Variants in NEDD4L observed in about 807,000 individuals in gnomAD.
The protein encoded by NEDD4L is E3 ubiquitin-protein ligase NEDD4-like.
A neutral mutation model predicts 148.9 loss-of-function variants in NEDD4L; 54 were observed. The observed-to-expected ratio is 0.36, with a 90% confidence interval of 0.29 to 0.45. The LOEUF (loss-of-function observed/expected upper bound fraction) is 0.45, where lower values mean the gene tolerates loss of function less well. NEDD4L is among the 20% of genes least tolerant of loss of function. The probability of loss-of-function intolerance (pLI) is 1.00; values close to 1 mark genes in which losing one functional copy is unlikely to be tolerated. For synonymous variants in NEDD4L, 433 were observed against 440.7 expected (o/e 0.98, Z 0.22); for missense variants, 856 against 1,233.8 (o/e 0.69, Z 4.59).
rs2048604775 is a variant in NEDD4L at position 58,256,583 on chromosome 18, C to T, written c.297+4529C>T. The T allele has an allele frequency of 8.1e-7, 1 of 1,232,266 alleles. No individual in the cohort carries two copies. The highest frequency in any genetic ancestry group is 4.1e-5 in the South Asian group (1 of 24,320). The allele number at this position is 1,232,266 out of a possible 1,614,324, so 76.3% of individuals were successfully genotyped here. ...ATCGCCTCGAGCTGGCAGGATGGCT[C>T]CTGAAATCCGCAGGACGAACTCCGC... On this transcript the variant is annotated intron_variant, in intron 5 of 30. Transcript: ENST00000400345. The surrounding 1 kb of genome is among the most constrained non-coding windows in gnomAD (Gnocchi z 5.2).
intron 1 of NEDD4L, among the ~76,000 whole-genome samples, chr18:58,051,891 T>C (rs2081889363): frequency 6.6e-6 from 1 of 152,142 alleles, no homozygotes; most frequent in South Asian, 2.1e-4. Flanking sequence ...TGTGACAAAA[T>C]GTTACTTTCT....
intron 19 of NEDD4L, among the ~76,000 whole-genome samples, chr18:58,363,840 T>A (rs576419418): frequency 6.6e-6 from 1 of 152,320 alleles, no homozygotes; most frequent in African/African-American, 2.4e-5. Context: ...CCACAAAAAT[T>A]CGTTAAACCG....
chr18:58,361,047 T>C (rs540914197), intron 19 of NEDD4L, among the ~76,000 whole-genome samples: 1 of 152,324 alleles, frequency 6.6e-6, no homozygotes, highest in East Asian at 1.9e-4. Context: ...TAGAGTTTTC[T>C]TGTCCCCTTT....
chr18:58,252,910 T>C (rs8095185), intron 5 of NEDD4L, among the ~76,000 whole-genome samples: 25,881 of 152,044 alleles, frequency 0.17, 2,428 homozygotes, highest in Non-Finnish European at 0.21. Flanking sequence ...TGAAGCACAT[T>C]TTGCTTTCTT....
intron 2 of NEDD4L, among the ~76,000 whole-genome samples, chr18:58,185,672 G>A (rs762319642): frequency 1.3e-5 from 2 of 152,188 alleles, no homozygotes; most frequent in Non-Finnish European, 2.9e-5. Flanking sequence ...TCAGGAGTTC[G>A]AGACCAGCCT....
chr18:58,195,468 C>A, intron 2 of NEDD4L: 1 of 1,333,860 alleles, frequency 7.5e-7, no homozygotes, highest in Non-Finnish European at 9.9e-7. Context: ...CCAACCCAGA[C>A]AGGCTTAAGC....
intron 1 of NEDD4L, among the ~76,000 whole-genome samples, chr18:58,055,705 T>G (rs1363014837): frequency 6.6e-6 from 1 of 152,244 alleles, no homozygotes; most frequent in African/African-American, 2.4e-5. Context: ...AAATTGTATT[T>G]CTTTTTCCCC....
In NEDD4L at chr18:58,256,295, G is replaced by A; in HGVS notation, c.297+4241G>A. On this transcript the variant is annotated intron_variant, in intron 5 of 30. Transcript: ENST00000400345. This position sits in a 1 kb window ranked among gnomAD's most constrained non-coding sequence, Gnocchi z 5.2. The stretch of plus-strand genomic sequence containing the variant: ...CCCCGATGGCCAGGGCGGCCCGGCC[G>A]CGGCAGAGCCCAGGCGCTGGTCCCT... 8.1e-7 allele frequency: 1 copy of A among 1,231,636 alleles called. No individual in the cohort carries two copies. The highest frequency in any genetic ancestry group is 1.0e-6 in the Non-Finnish European group (1 of 987,794). 76.3% of individuals were successfully genotyped at this position (1,231,636 alleles called of 1,614,324 possible).
rs1253998739 is a variant in NEDD4L, at chr18:58,064,236, T to C, written c.48+19528T>C. ...GTCTCGGCTTCCCAAAGTGCTGGGA[T>C]TACAGGCGTGAGCCACCGCGCCTGA... On this transcript the variant is annotated intron_variant, in intron 1 of 30. Coordinates refer to ENST00000400345, the MANE Select transcript of NEDD4L (RefSeq NM_001144967.3). 2.6e-5 allele frequency among the ~76,000 whole-genome samples: 4 copies of C among 152,178 alleles called. No homozygotes were observed. The East Asian group carries it at 5.8e-4, about 22-fold the overall frequency.
chr18:58,081,620 A>G lies in NEDD4L; in HGVS notation c.48+36912A>G, dbSNP rs546561138. On this transcript the variant is annotated intron_variant, in intron 1 of 30. Transcript: ENST00000400345. ...TGCTGGAATTAACTCGGTCAAAACA[A>G]AGCAAAACACACAGAATCTCGTATC... 1.2e-4 allele frequency among the ~76,000 whole-genome samples: 19 copies of G among 152,280 alleles called. No homozygotes were observed. In the South Asian group the frequency reaches 1.5e-3, roughly 12 times the overall value.
chr18:58,352,648 G>A (rs1393699119), intron 18 of NEDD4L, among the ~76,000 whole-genome samples: 1 of 152,046 alleles, frequency 6.6e-6, no homozygotes, highest in Non-Finnish European at 1.5e-5. Context: ...AACAGAGGGA[G>A]GCTGTCTCAA....
intron 1 of NEDD4L, among the ~76,000 whole-genome samples, chr18:58,060,542 C>A (rs1005210285): frequency 1.4e-4 from 21 of 151,996 alleles, no homozygotes; most frequent in African/African-American, 4.1e-4. Flanking sequence ...GGGGATAAGG[C>A]AGGAGGTATT....
chr18:58,389,757 A>T (rs1210061157), intron 28 of NEDD4L, among the ~76,000 whole-genome samples: 1 of 151,444 alleles, frequency 6.6e-6, no homozygotes, highest in Non-Finnish European at 1.5e-5. Flanking sequence ...AAAAAAAAAC[A>T]GTTATCCCCC....
intron 26 of NEDD4L, 128 bp from the exon 27 acceptor site, chr18:58,387,311 C>T (rs1253140675): frequency 1.2e-5 from 13 of 1,067,462 alleles, no homozygotes; most frequent in Non-Finnish European, 1.7e-5. Context: ...TTGATACTGT[C>T]ACTGACATAG....
At chr18:58,286,914 T>C (rs1260740365) in intron 5 of NEDD4L, among the ~76,000 whole-genome samples, 2 of 152,214 alleles carry the variant, frequency 1.3e-5, no homozygotes, top group South Asian at 2.1e-4. Context: ...AGTAGAGATT[T>C]TCCCAGAAGG....
intron 16 of NEDD4L, among the ~76,000 whole-genome samples, chr18:58,347,205 GCCCCCCCCGC>G (rs2043190221): frequency 2.5e-5 from 1 of 39,554 alleles, no homozygotes; most frequent in Admixed American, 2.4e-4. Context: ...TCACGCTACG[GCCCCCCCCGC>G]CCCCCCCCCC....
At chr18:58,351,498 G>A (rs894396459) in intron 18 of NEDD4L, among the ~76,000 whole-genome samples, 11 of 152,138 alleles carry the variant, frequency 7.2e-5, no homozygotes, top group Admixed American at 2.0e-4. Context: ...TTCTATTCAC[G>A]GCATGTTTCC....
chr18:58,150,464 G>A (rs1284531728), intron 1 of NEDD4L, among the ~76,000 whole-genome samples: 1 of 152,248 alleles, frequency 6.6e-6, no homozygotes, highest in African/African-American at 2.4e-5. Flanking sequence ...GACCTCAGGT[G>A]ATCCGCCTGC....
At chr18:58,333,960 T>A in intron 12 of NEDD4L, 68 bp downstream of exon 12, 1 of 1,014,364 alleles carries the variant, frequency 9.9e-7, no homozygotes, top group South Asian at 1.7e-5. Flanking sequence ...TCTGGGCTGC[T>A]GCAAAAAGAG....
Sources: allele counts gnomAD v4.1 joint callset (sites outside exome capture counted in the v4.1 genomes callset), GRCh38; gene constraint gnomAD v4.1.1; non-coding constraint Gnocchi (gnomAD v3.1); transcripts MANE v1.5; gene names NCBI Gene and HGNC (gene_info 2026-07-23, HGNC 2026-07-21).